Variants in CDK14 observed in about 807,000 individuals in gnomAD.
The protein encoded by CDK14 is cyclin dependent kinase 14.
A neutral mutation model predicts 60.7 loss-of-function variants in CDK14; 34 were observed. The ratio of observed to expected loss-of-function variants is 0.56; its 90% CI spans 0.43 to 0.75. The LOEUF is 0.75. CDK14 is among the 30% of genes least tolerant of loss of function. The pLI is 0.00. For synonymous variants in CDK14, 197 were observed against 203.7 expected (o/e 0.97, Z 0.28); for missense variants, 482 against 564.1 (o/e 0.85, Z 1.47).
At chr7:90,783,948 A>G (rs1420862313) in intron 4 of CDK14, among the ~76,000 whole-genome samples, 1 of 152,146 alleles carries the variant, frequency 6.6e-6, no homozygotes, top group Non-Finnish European at 1.5e-5. Flanking sequence ...AAAGGAAATC[A>G]ATATGTGGAA....
chr7:90,963,373 C>T (rs918329677), intron 9 of CDK14, among the ~76,000 whole-genome samples: 5 of 151,684 alleles, frequency 3.3e-5, no homozygotes, highest in African/African-American at 9.7e-5. Flanking sequence ...TATGATCACA[C>T]CATTGCACTC....
chr7:90,744,123 A>C, intron 3 of CDK14, among the ~76,000 whole-genome samples: 1 of 152,186 alleles, frequency 6.6e-6, no homozygotes, highest in East Asian at 1.9e-4. Context: ...CAAGTGAACA[A>C]AGGTCTCTGG....
At chr7:90,823,921 CT>C (rs1001817862) in intron 5 of CDK14, among the ~76,000 whole-genome samples, 1 of 152,028 alleles carries the variant, frequency 6.6e-6, no homozygotes, top group African/African-American at 2.4e-5. Context: ...TTTCATATTT[CT>C]TGGAAATAAA....
At chr7:90,606,338 G>A (rs1039177968) in intron 2 of CDK14, among the ~76,000 whole-genome samples, 1 of 152,190 alleles carries the variant, frequency 6.6e-6, no homozygotes, top group African/African-American at 2.4e-5. Context: ...TTGTAAAATA[G>A]AGATAATAAT....
intron 2 of CDK14, among the ~76,000 whole-genome samples, chr7:90,625,975 G>A (rs1304333386): frequency 6.6e-6 from 1 of 152,174 alleles, no homozygotes; most frequent in Non-Finnish European, 1.5e-5. Context: ...TTCCATGGGA[G>A]CTTTTCCATT....
intron 12 of CDK14, among the ~76,000 whole-genome samples, chr7:91,091,366 A>C (rs1388520938): frequency 6.9e-6 from 1 of 144,760 alleles, no homozygotes; most frequent in Non-Finnish European, 1.5e-5. Flanking sequence ...TTATATATAC[A>C]TATATACATA....
intron 2 of CDK14, among the ~76,000 whole-genome samples, chr7:90,680,713 T>C (rs1801297628): frequency 6.6e-6 from 1 of 152,226 alleles, no homozygotes; most frequent in Admixed American, 6.5e-5. Flanking sequence ...CGGGAGTGTT[T>C]GGGCGCTTTT....
At chr7:90,891,301 A>G (rs916095535) in intron 6 of CDK14, among the ~76,000 whole-genome samples, 2 of 152,186 alleles carry the variant, frequency 1.3e-5, no homozygotes, top group Non-Finnish European at 2.9e-5. Context: ...GCAGAGATCA[A>G]TCAGGGAATT....
chr7:90,856,564 G>A (rs1476628183), intron 5 of CDK14, among the ~76,000 whole-genome samples: 1 of 152,166 alleles, frequency 6.6e-6, no homozygotes, highest in African/African-American at 2.4e-5. Flanking sequence ...TCAGTGCTCA[G>A]CGTACGCACA....
rs28432681 is a variant in CDK14, at chr7:90,738,319, A to G, written c.370-9362A>G. On this transcript the variant is annotated intron_variant, in intron 3 of 14. Transcript: ENST00000380050. The stretch of plus-strand genomic sequence containing the variant: ...GTATTATAGAGATTAAGTTTATGTA[A>G]TACATATAAAATGATTAGCTTAAGG... Among the ~76,000 whole-genome samples, 82 of 152,312 alleles carry G rather than the reference A, an allele frequency of 5.4e-4. 1 individual carries two copies. The highest frequency in any genetic ancestry group is 1.9e-3 in the African/African-American group (81 of 41,576).
chr7:90,887,352 G>T (rs905318654), intron 6 of CDK14, among the ~76,000 whole-genome samples: 1 of 151,916 alleles, frequency 6.6e-6, no homozygotes. Flanking sequence ...CTTAAATCAC[G>T]GAGATCTTAC....
At chr7:91,054,028 A>G (rs1375121687) in intron 11 of CDK14, among the ~76,000 whole-genome samples, 1 of 151,530 alleles carries the variant, frequency 6.6e-6, no homozygotes, top group African/African-American at 2.4e-5. Context: ...GATTTGAGCT[A>G]GCTGACATAA....
intron 3 of CDK14, among the ~76,000 whole-genome samples, chr7:90,739,455 T>A (rs1803260130): frequency 6.6e-6 from 1 of 152,190 alleles, no homozygotes; most frequent in Admixed American, 6.5e-5. Context: ...TTCAGTTTTT[T>A]CAAGTAGTAA....
rs1799666042 is a variant in CDK14, at chr7:91,118,156, A to G, written c.1386A>G (p.Lys462=). ...TTGGGAAAAACAATAGTTATGGCAA[A>G]AGTCTATCAAACAGCAAGCACTGAC... ...RAFGKNNSYG[K]SLSNSKH Residue 462 remains lysine (K), a synonymous_variant, in exon 14 of 15, where the codon AAA becomes AAG. Transcript: ENST00000380050. 6.2e-7 allele frequency: 1 copy of G among 1,612,692 alleles called. No individual in the cohort carries two copies.
At chr7:90,639,814 TG>T (rs1486061028) in intron 2 of CDK14, among the ~76,000 whole-genome samples, 1 of 152,158 alleles carries the variant, frequency 6.6e-6, no homozygotes, top group African/African-American at 2.4e-5. Context: ...TAAGCAAGCC[TG>T]GGCAATGGCG....
At chr7:91,014,636 C>G (rs1364255929) in intron 10 of CDK14, among the ~76,000 whole-genome samples, 1 of 152,184 alleles carries the variant, frequency 6.6e-6, no homozygotes, top group African/African-American at 2.4e-5. Context: ...TCTGAAAGCA[C>G]TAAGCAAGCT....
chr7:91,197,212 C>T (rs1314138888), intron 14 of CDK14, among the ~76,000 whole-genome samples: 1 of 152,006 alleles, frequency 6.6e-6, no homozygotes, highest in Non-Finnish European at 1.5e-5. Flanking sequence ...CCAGCCTGGC[C>T]AACATGGTGA....
intron 2 of CDK14, among the ~76,000 whole-genome samples, chr7:90,654,815 C>G (rs1261560766): frequency 6.6e-6 from 1 of 152,082 alleles, no homozygotes; most frequent in Non-Finnish European, 1.5e-5. Context: ...ATTCATGAAC[C>G]AAGATTGACT....
intron 4 of CDK14, among the ~76,000 whole-genome samples, chr7:90,762,972 C>T (rs1043389411): frequency 6.6e-6 from 1 of 152,188 alleles, no homozygotes; most frequent in Non-Finnish European, 1.5e-5. Context: ...GAGTGAGACC[C>T]TGTCTTAAAA....
Sources: gnomAD v4.1 joint callset for allele counts (sites outside exome capture counted in the v4.1 genomes callset) on GRCh38, gnomAD v4.1.1 for gene constraint, MANE v1.5 for transcripts, NCBI Gene and HGNC (gene_info 2026-07-23, HGNC 2026-07-21) for gene names.